Variants in TTC39C observed in about 807,000 individuals in gnomAD.
The protein encoded by TTC39C is tetratricopeptide repeat protein 39C.
Under a neutral mutation model 76.3 loss-of-function variants are expected in TTC39C, and 33 were observed. The ratio of observed to expected loss-of-function variants is 0.43; its 90% CI spans 0.33 to 0.58. The LOEUF is 0.58. Ranked by LOEUF, TTC39C falls within the 20% of genes least tolerant of loss-of-function variation. TTC39C has a pLI of 0.04. For missense variants in TTC39C, 595 were observed against 701.4 expected (o/e 0.85, Z 1.71); for synonymous variants, 254 against 260.6 (o/e 0.97, Z 0.24).
At chr18:24,077,352 A>G (rs1216860754) in intron 4 of TTC39C, 1 of 152,218 alleles carries the variant, frequency 6.6e-6, no homozygotes, top group East Asian at 1.9e-4. Context: ...GAAATCCTGC[A>G]GTAACTATTT....
chr18:24,090,842 T>C (rs1169839127), intron 6 of TTC39C, among the ~76,000 whole-genome samples: 2 of 142,830 alleles, frequency 1.4e-5, no homozygotes, highest in Non-Finnish European at 3.0e-5. Flanking sequence ...AGTCTTGCTC[T>C]GTCACCCAGG....
chr18:24,018,494 C>T (rs1422891368), intron 1 of TTC39C, among the ~76,000 whole-genome samples: 1 of 152,090 alleles, frequency 6.6e-6, no homozygotes, highest in Non-Finnish European at 1.5e-5. Flanking sequence ...GTGCCAAAGA[C>T]ATGTGCTAGA....
At chr18:24,105,801 C>A (rs1254957316) in intron 6 of TTC39C, among the ~76,000 whole-genome samples, 1 of 152,202 alleles carries the variant, frequency 6.6e-6, no homozygotes, top group Non-Finnish European at 1.5e-5. Flanking sequence ...AAACTGGGGA[C>A]TTAAACAACA....
At chr18:24,038,767 G>T (rs2083759549) in intron 1 of TTC39C, among the ~76,000 whole-genome samples, 2 of 152,148 alleles carry the variant, frequency 1.3e-5, no homozygotes, top group African/African-American at 4.8e-5. Flanking sequence ...TTGAGATCTG[G>T]TGAGGGCTGT....
At chr18:24,112,691 C>CG (rs891240973) in intron 6 of TTC39C, among the ~76,000 whole-genome samples, 3 of 151,904 alleles carry the variant, frequency 2.0e-5, no homozygotes, top group Non-Finnish European at 2.9e-5. Flanking sequence ...ATGGGGGACA[C>CG]GGGGGGGAAC....
At position 24,054,310 on chromosome 18, in the gene TTC39C, T is replaced by C. The variant is rs2083988581; in HGVS notation, c.168-9830T>C. 2.0e-5 allele frequency among the ~76,000 whole-genome samples: 3 copies of C among 152,328 alleles called. No homozygotes were observed. The South Asian group carries it at 6.2e-4, about 32-fold the overall frequency. On this transcript the variant is annotated intron_variant, in intron 1 of 13. Transcript: ENST00000317571. ...TATTGAATCGCCCCATTATTCTGTT[T>C]GGTTGGCTGGATGATATATTCCGTT...
intron 7 of TTC39C, among the ~76,000 whole-genome samples, chr18:24,115,842 C>T (rs2084884893): frequency 6.6e-6 from 1 of 152,248 alleles, no homozygotes; most frequent in Admixed American, 6.5e-5. Flanking sequence ...CTTCTACACT[C>T]TGCTGGAGCT....
chr18:24,080,341 T>TA (rs2084361255), intron 4 of TTC39C, among the ~76,000 whole-genome samples: 1 of 152,208 alleles, frequency 6.6e-6, no homozygotes, highest in African/African-American at 2.4e-5. Context: ...TGAAGGGCTT[T>TA]ATAGAACAAT....
intron 6 of TTC39C, chr18:24,113,868 T>C: frequency 1.7e-6 from 1 of 577,036 alleles, no homozygotes; most frequent in Non-Finnish European, 3.1e-6. Flanking sequence ...TCCCAGACAG[T>C]GTTATGTGAA....
intron 2 of TTC39C, among the ~76,000 whole-genome samples, chr18:24,065,108 G>A (rs1030911471): frequency 6.6e-6 from 1 of 152,240 alleles, no homozygotes; most frequent in East Asian, 1.9e-4. Flanking sequence ...AGGAGGAGAA[G>A]CAAGGCCACA....
At chr18:23,993,618 A>C (rs552802792) in intron 1 of TTC39C, among the ~76,000 whole-genome samples, 130 of 152,334 alleles carry the variant, frequency 8.5e-4, no homozygotes, top group Non-Finnish European at 1.4e-3. Context: ...CCAGCTGTGA[A>C]ATTTAGAATC....
chr18:24,119,897 T>A (rs374636693), intron 8 of TTC39C, among the ~76,000 whole-genome samples: 3 of 152,140 alleles, frequency 2.0e-5, no homozygotes, highest in Non-Finnish European at 4.4e-5. Flanking sequence ...CAGCTATTTA[T>A]TTTTTCATCT....
At chr18:24,027,319 C>T (rs1032138574) in intron 1 of TTC39C, among the ~76,000 whole-genome samples, 17 of 151,990 alleles carry the variant, frequency 1.1e-4, no homozygotes, top group Non-Finnish European at 2.2e-4. Context: ...TCATGCTGCA[C>T]AGCCTCTAGG....
Position 24,066,137 on chromosome 18 carries a change from G to T in TTC39C, c.342G>T (p.Lys114Asn). The change falls in exon 3 of 14, where the codon AAG becomes AAT. Residue 114 changes from lysine to asparagine, a missense_variant. Lys to Asn is a moderately conservative substitution (Grantham distance 94, BLOSUM62 0). Transcript: ENST00000317571. The part of the protein sequence containing the change: ...VIETIKNKIK[K>N]NVDVRKSAPS... ...AAACAATCAAGAATAAAATTAAGAA[G>T]AACGTAAGTATTGCGGCTTTAGGTT... The T allele has an allele frequency of 6.3e-7, 1 of 1,596,118 alleles. No homozygotes were observed. Among genetic ancestry groups the T allele is most frequent in the South Asian group, 1.2e-5 (1 of 86,674 alleles).
chr18:24,087,095 A>G (rs866483641), intron 6 of TTC39C, among the ~76,000 whole-genome samples: 3 of 152,118 alleles, frequency 2.0e-5, no homozygotes, highest in African/African-American at 4.8e-5. Flanking sequence ...AGGCTGACCA[A>G]TGGGTTATAT....
At chr18:24,122,500 C>CAAAAAAAAAAAAAAAAAAAAA (rs36002596) in intron 8 of TTC39C, among the ~76,000 whole-genome samples, 1 of 51,042 alleles carries the variant, frequency 2.0e-5, no homozygotes, top group African/African-American at 9.9e-5. Flanking sequence ...GACTCCATCT[C>CAAAAAAAAAAAAAAAAAAAAA]AAAAAAAAAA....
At chr18:24,043,370 A>T (rs1010717296) in intron 1 of TTC39C, among the ~76,000 whole-genome samples, 1 of 152,162 alleles carries the variant, frequency 6.6e-6, no homozygotes, top group African/African-American at 2.4e-5. Flanking sequence ...TCTAAAAACA[A>T]AAAAGCTAAT....
At chr18:24,118,299 A>G in intron 8 of TTC39C, 67 bp downstream of exon 8, 1 of 1,278,586 alleles carries the variant, frequency 7.8e-7, no homozygotes. Flanking sequence ...ACGTGGGCAG[A>G]TGGGAGAATG....
chr18:24,021,127 CAG>C (rs1242536434), intron 1 of TTC39C, among the ~76,000 whole-genome samples: 1 of 152,108 alleles, frequency 6.6e-6, no homozygotes, highest in Non-Finnish European at 1.5e-5. Flanking sequence ...ACGAAGGACT[CAG>C]GGAGAAGAGA....
Sources: allele counts gnomAD v4.1 joint callset (sites outside exome capture counted in the v4.1 genomes callset), GRCh38; gene constraint gnomAD v4.1.1; transcripts MANE v1.5; gene names NCBI Gene and HGNC (gene_info 2026-07-23, HGNC 2026-07-21).